Variants in RAP1A observed in about 807,000 individuals in gnomAD.
RAP1A encodes the protein ras-related protein Rap-1A.
RAP1A carries 6 observed loss-of-function variants against 26.4 expected under a neutral mutation model. That is an observed-to-expected ratio of 0.23 (90% CI 0.12 to 0.45). The LOEUF (loss-of-function observed/expected upper bound fraction) is 0.45. Among genes scored for constraint, RAP1A ranks in the 20% least tolerant of loss-of-function variants. RAP1A has a pLI of 0.99. For synonymous variants in RAP1A, 73 were observed against 79.4 expected (o/e 0.92, Z 0.43); for missense variants, 121 against 217.2 (o/e 0.56, Z 2.78).
chr1:111,594,628 GA>G (rs1658532369), intron 1 of RAP1A, among the ~76,000 whole-genome samples: 1 of 151,836 alleles, frequency 6.6e-6, no homozygotes, highest in African/African-American at 2.4e-5. Context: ...AAAAGAAAAA[GA>G]AAAAAACAAA....
chr1:111,544,434 T>C (rs1007017610), intron 1 of RAP1A, among the ~76,000 whole-genome samples: 2 of 152,230 alleles, frequency 1.3e-5, no homozygotes, highest in South Asian at 4.1e-4. Flanking sequence ...TTTGGACATT[T>C]CTATAGATGA....
chr1:111,595,234 A>C (rs780766841), intron 1 of RAP1A, among the ~76,000 whole-genome samples: 1 of 152,022 alleles, frequency 6.6e-6, no homozygotes, highest in Non-Finnish European at 1.5e-5. Context: ...CTACTTAGCC[A>C]TGTAGCAAAT....
At chr1:111,562,299 G>A (rs1195979963) in intron 1 of RAP1A, among the ~76,000 whole-genome samples, 1 of 152,070 alleles carries the variant, frequency 6.6e-6, no homozygotes, top group Non-Finnish European at 1.5e-5. Context: ...ATACAGTTAT[G>A]TGTCTGTTTC....
chr1:111,634,381 G>A (rs893620533), intron 1 of RAP1A, among the ~76,000 whole-genome samples: 2 of 151,768 alleles, frequency 1.3e-5, no homozygotes, highest in Non-Finnish European at 2.9e-5. Flanking sequence ...ATTGGTAAAT[G>A]CAGATTACCA....
chr1:111,663,236 G>A (rs1315832415), intron 1 of RAP1A, among the ~76,000 whole-genome samples: 1 of 152,154 alleles, frequency 6.6e-6, no homozygotes, highest in African/African-American at 2.4e-5. Context: ...TTGATCAGAG[G>A]TTGTTAATTT....
At chr1:111,631,886 T>G (rs1359696438) in intron 1 of RAP1A, among the ~76,000 whole-genome samples, 1 of 149,386 alleles carries the variant, frequency 6.7e-6, no homozygotes, top group Non-Finnish European at 1.5e-5. Context: ...ACTGAGTAAT[T>G]TGTAGAGTTT....
chr1:111,668,252 A>T (rs1250647198), intron 1 of RAP1A, among the ~76,000 whole-genome samples: 2 of 152,220 alleles, frequency 1.3e-5, no homozygotes, highest in African/African-American at 2.4e-5. Flanking sequence ...ACATCACAGT[A>T]AAAGATCACA....
chr1:111,550,803 T>C (rs570665332), intron 1 of RAP1A, among the ~76,000 whole-genome samples: 44 of 152,214 alleles, frequency 2.9e-4, no homozygotes, highest in Non-Finnish European at 5.1e-4. Flanking sequence ...CCCAATTTCA[T>C]CTTAATGTGG....
chr1:111,687,208 A>C (rs796559777), intron 1 of RAP1A, among the ~76,000 whole-genome samples: 21 of 131,294 alleles, frequency 1.6e-4, no homozygotes, highest in African/African-American at 6.0e-4. Context: ...ATTGAGTTGA[A>C]TTTTTTTTTT....
At chr1:111,688,265 CTGTGTGTGTGTGTG>C (rs60277735) in intron 1 of RAP1A, among the ~76,000 whole-genome samples, 1 of 135,414 alleles carries the variant, frequency 7.4e-6, no homozygotes, top group Non-Finnish European at 1.6e-5. Flanking sequence ...CACAAGAAGT[CTGTGTGTGTGTGTG>C]TGTGTGTGTG....
At chr1:111,582,677 T>C (rs1008925284) in intron 1 of RAP1A, among the ~76,000 whole-genome samples, 1 of 152,200 alleles carries the variant, frequency 6.6e-6, no homozygotes, top group Non-Finnish European at 1.5e-5. Context: ...CTCTAGCTTG[T>C]TAACTGTAAT....
chr1:111,612,084 T>G (rs150081076), intron 1 of RAP1A, among the ~76,000 whole-genome samples: 2 of 152,306 alleles, frequency 1.3e-5, no homozygotes, highest in Non-Finnish European at 2.9e-5. Flanking sequence ...GGATTTCTCT[T>G]TCCCTCCATT....
intron 1 of RAP1A, among the ~76,000 whole-genome samples, chr1:111,568,723 A>G (rs2101054027): frequency 6.6e-6 from 1 of 152,186 alleles, no homozygotes; most frequent in South Asian, 2.1e-4. Context: ...TTTTTCAATA[A>G]AAGTTACACT....
chr1:111,629,000 C>G (rs1208448217), intron 1 of RAP1A, among the ~76,000 whole-genome samples: 1 of 151,988 alleles, frequency 6.6e-6, no homozygotes, highest in Non-Finnish European at 1.5e-5. Context: ...ACAGGATATC[C>G]TCGCTTTTAG....
At chr1:111,554,640 A>G (rs1657406441) in intron 1 of RAP1A, among the ~76,000 whole-genome samples, 2 of 152,370 alleles carry the variant, frequency 1.3e-5, no homozygotes, top group South Asian at 4.1e-4. Context: ...CCTCAAAGGA[A>G]TATGGTGAAA....
At chr1:111,598,035 T>G (rs948320493) in intron 1 of RAP1A, among the ~76,000 whole-genome samples, 10 of 152,230 alleles carry the variant, frequency 6.6e-5, no homozygotes, top group African/African-American at 2.4e-4. Context: ...ATTATTTCAT[T>G]TAATTCTCAC....
chr1:111,682,692 C>T (rs1204660544), intron 1 of RAP1A, among the ~76,000 whole-genome samples: 2 of 152,110 alleles, frequency 1.3e-5, no homozygotes, highest in Non-Finnish European at 2.9e-5. Flanking sequence ...TTCTTAGAGA[C>T]CTGCAAAGAG....
In RAP1A at chr1:111,703,477, G is replaced by GT. The variant is rs1366199924; in HGVS notation, c.324+2dup. 6.3e-7 allele frequency: 1 copy of GT among 1,578,910 alleles called. No homozygotes were observed. The highest frequency in any genetic ancestry group is 8.6e-7 in the Non-Finnish European group (1 of 1,166,100). On this transcript the variant is annotated splice_donor_variant, in intron 5 of 7. Transcript: ENST00000369709. LOFTEE classifies it high-confidence loss of function. ...TTTACGGGTTAAGGACACGGAAGATGTAAGTATTTTTTCTCTCTGTAAGAT... is the reference window on the plus strand; with the variant it reads ...TTTACGGGTTAAGGACACGGAAGATGTTAAGTATTTTTTCTCTCTGTAAGAT...
upstream of RAP1A, among the ~76,000 whole-genome samples, chr1:111,618,471 T>C (rs1659062466): frequency 6.6e-6 from 1 of 152,180 alleles, no homozygotes; most frequent in Admixed American, 6.5e-5. Context: ...AGTGTTGGAG[T>C]GCCTCTTGGT....
Sources: allele counts gnomAD v4.1 joint callset (sites outside exome capture counted in the v4.1 genomes callset), GRCh38; gene constraint gnomAD v4.1.1; transcripts MANE v1.5; gene names NCBI Gene and HGNC (gene_info 2026-07-23, HGNC 2026-07-21).